THSD7A: variants seen among roughly 807,000 people sequenced by gnomAD.
THSD7A encodes the protein thrombospondin type 1 domain containing 7A, also known as thrombospondin type-1 domain-containing protein 7A.
THSD7A carries 96 observed loss-of-function variants against 231.3 expected under a neutral mutation model. The observed-to-expected ratio is 0.41, with a 90% CI of 0.35 to 0.49. The LOEUF is 0.49. THSD7A is among the 20% of genes least tolerant of loss of function. The probability of loss-of-function intolerance (pLI) is 0.05; values close to 1 mark genes in which losing one functional copy is unlikely to be tolerated. For missense variants in THSD7A, 2,290 were observed against 2,070.2 expected (o/e 1.11, Z -2.06); for synonymous variants, 940 against 743.3 (o/e 1.26, Z -4.30).
intron 4 of THSD7A, among the ~76,000 whole-genome samples, chr7:11,558,335 T>C (rs2128328539): frequency 6.6e-6 from 1 of 152,288 alleles, no homozygotes; most frequent in African/African-American, 2.4e-5. Flanking sequence ...AAAGTCTGTG[T>C]CTTATTTTAA....
At chr7:11,784,893 G>T (rs547044625) in intron 1 of THSD7A, among the ~76,000 whole-genome samples, 1 of 152,148 alleles carries the variant, frequency 6.6e-6, no homozygotes, top group Non-Finnish European at 1.5e-5. Context: ...GTACCCTAAG[G>T]GATCTACCAG....
chr7:11,568,131 G>T (rs1005978534), intron 4 of THSD7A, among the ~76,000 whole-genome samples: 1 of 151,752 alleles, frequency 6.6e-6, no homozygotes, highest in Non-Finnish European at 1.5e-5. Context: ...ATTACTTTTC[G>T]TTAAAACTTT....
At chr7:11,617,569 C>A (rs1287430522) in intron 2 of THSD7A, among the ~76,000 whole-genome samples, 2 of 152,138 alleles carry the variant, frequency 1.3e-5, no homozygotes, top group Non-Finnish European at 2.9e-5. Context: ...AAATATATTT[C>A]TAATATTTTA....
In THSD7A at chr7:11,419,485, C is replaced by G. The variant is rs555168702; in HGVS notation, c.3384-1882G>C. Among the ~76,000 whole-genome samples the G allele has an allele frequency of 3.3e-5, 5 of 152,286 alleles. No individual in the cohort carries two copies. In the South Asian group the frequency reaches 1.0e-3, roughly 32 times the overall value. The stretch of plus-strand genomic sequence containing the variant: ...CCTCATGCCTCCCCAGAAAGAGAAG[C>G]CTATACAATCCACAGAACCATGAGC... On this transcript the variant is annotated intron_variant, in intron 16 of 27. Coordinates refer to ENST00000423059, the MANE Select transcript of THSD7A (RefSeq NM_015204.3).
chr7:11,801,605 G>T (rs889049268), intron 1 of THSD7A, among the ~76,000 whole-genome samples: 12 of 151,946 alleles, frequency 7.9e-5, no homozygotes, highest in African/African-American at 2.9e-4. Context: ...TTTTAAATTA[G>T]CATATAAAAT....
chr7:11,399,057 A>T (rs1783300487), intron 23 of THSD7A, among the ~76,000 whole-genome samples: 1 of 152,188 alleles, frequency 6.6e-6, no homozygotes. Flanking sequence ...CAGGCCTTCC[A>T]AAAGGGTTTT....
intron 1 of THSD7A, among the ~76,000 whole-genome samples, chr7:11,748,303 G>C (rs1444371362): frequency 2.6e-5 from 4 of 151,926 alleles, no homozygotes; most frequent in African/African-American, 9.7e-5. Context: ...TTGGGTAACA[G>C]GAGAGTGAGA....
At chr7:11,519,779 T>C (rs956404623) in intron 6 of THSD7A, among the ~76,000 whole-genome samples, 6 of 152,050 alleles carry the variant, frequency 3.9e-5, no homozygotes, top group African/African-American at 1.5e-4. Flanking sequence ...GTTGATAATA[T>C]TGTACTTTTC....
Position 11,411,146 on chromosome 7 carries a change from C to T in THSD7A, c.3798+61G>A. 7.5e-7 allele frequency: 1 copy of T among 1,327,984 alleles called. No homozygotes were observed. Among genetic ancestry groups the T allele is most frequent in the Non-Finnish European group, 1.1e-6 (1 of 934,978 alleles). 82.3% of individuals were successfully genotyped at this position (1,327,984 alleles called of 1,614,324 possible). On this transcript the variant is annotated intron_variant, in intron 19 of 27. Coordinates refer to ENST00000423059, the MANE Select transcript of THSD7A (RefSeq NM_015204.3). This position sits in a 1 kb window ranked among gnomAD's most constrained non-coding sequence, Gnocchi z 4.1. ...ATGGAGCACGGGTCACTTGGCTCAG[C>T]ATGAATTGAAATTATTAGGGAAGAA...
Position 11,636,642 on chromosome 7 carries a change from C to A in THSD7A, c.510G>T (p.Glu170Asp), listed in dbSNP as rs1781868879. 6.2e-7 allele frequency: 1 copy of A among 1,613,982 alleles called. No homozygotes were observed. The highest frequency in any genetic ancestry group is 1.1e-5 in the South Asian group (1 of 91,080). Residue 170 changes from glutamate (E) to aspartate (D), a missense_variant, in exon 2 of 28, where the codon GAG becomes GAT. By Grantham distance (45) the Glu-to-Asp change is conservative (BLOSUM62 2). Transcript: ENST00000423059. The surrounding 1 kb of genome is among the most constrained non-coding windows in gnomAD (Gnocchi z 10.0). ...CIQKDKDIPA[E>D]DIICEYFEPK... ...GCTCAAAGTACTCACAGATGATATC[C>A]TCCGCAGGAATGTCTTTGTCTTTCT...
At chr7:11,776,242 C>A (rs1298322326) in intron 1 of THSD7A, among the ~76,000 whole-genome samples, 1 of 152,160 alleles carries the variant, frequency 6.6e-6, no homozygotes, top group East Asian at 1.9e-4. Context: ...TTCATTTTCT[C>A]CTGCAGGGCG....
At chr7:11,544,245 G>A (rs1789278288) in intron 4 of THSD7A, among the ~76,000 whole-genome samples, 1 of 152,048 alleles carries the variant, frequency 6.6e-6, no homozygotes, top group Non-Finnish European at 1.5e-5. Flanking sequence ...GGGAGGCTGA[G>A]GCAAGAGAAT....
intron 1 of THSD7A, among the ~76,000 whole-genome samples, chr7:11,808,808 G>A (rs1048485063): frequency 6.6e-6 from 1 of 151,832 alleles, no homozygotes; most frequent in Admixed American, 6.6e-5. Flanking sequence ...TGCACCATAA[G>A]GAATAACTCA....
chr7:11,649,490 G>A (rs1347680853), intron 1 of THSD7A, among the ~76,000 whole-genome samples: 3 of 151,962 alleles, frequency 2.0e-5, no homozygotes, highest in African/African-American at 7.2e-5. Flanking sequence ...TAGGTATGTT[G>A]CCATACCCAA....
In THSD7A at chr7:11,570,910, G is replaced by C. The variant is rs968334378; in HGVS notation, c.1453+19550C>G. On this transcript the variant is annotated intron_variant, in intron 4 of 27. Transcript: ENST00000423059. ...TAGAGGTAGATCCAAAACAAGGTAT[G>C]TGGTATCATATGTATTCCATTTAAT... Among the ~76,000 whole-genome samples the C allele has an allele frequency of 3.9e-5, 6 of 152,342 alleles. 2 individuals are homozygous for C. The highest frequency in any genetic ancestry group is 6.5e-5 in the Admixed American group (1 of 15,306).
chr7:11,635,884 A>T (rs1436534128), intron 2 of THSD7A, among the ~76,000 whole-genome samples: 2 of 152,038 alleles, frequency 1.3e-5, no homozygotes, highest in African/African-American at 2.4e-5. Flanking sequence ...TTTCATGAAG[A>T]ATTGCTCATG....
rs760401374 is a variant in THSD7A at position 11,411,435 on chromosome 7, TAATC to T, written c.3683-117_3683-114del. 14 of 693,338 alleles carry T rather than the reference TAATC, an allele frequency of 2.0e-5. No individual in the cohort carries two copies. The highest frequency in any genetic ancestry group is 3.2e-5 in the Non-Finnish European group (13 of 407,696). The allele number at this position is 693,338 out of a possible 1,614,324, so 42.9% of individuals were successfully genotyped here. A position where few individuals can be genotyped will look rare whatever the true frequency, so the allele number is the denominator to read the frequency against. ...ATTCACAACTGCTTCCTAAGCCCCA[TAATC>T]AATCATCCCCCATGCAGAGCATATG... On this transcript the variant is annotated intron_variant, in intron 18 of 27. Coordinates refer to ENST00000423059, the MANE Select transcript of THSD7A (RefSeq NM_015204.3). The surrounding 1 kb of genome is among the most constrained non-coding windows in gnomAD (Gnocchi z 4.1).
chr7:11,674,223 G>C (rs1020330339), intron 1 of THSD7A, among the ~76,000 whole-genome samples: 1 of 152,036 alleles, frequency 6.6e-6, no homozygotes, highest in African/African-American at 2.4e-5. Flanking sequence ...CCAAAGCCTG[G>C]AAATGGATTT....
At position 11,461,156 on chromosome 7, in the gene THSD7A, C is replaced by A. The variant is rs188142193; in HGVS notation, c.2502-391G>T. ...AGTCATGAGTCTTTTGTATAGTGCT[C>A]TTTTGGTTAGCATTGTAGGAGTATC... On this transcript the variant is annotated intron_variant, in intron 10 of 27. Coordinates refer to ENST00000423059, the MANE Select transcript of THSD7A (RefSeq NM_015204.3). Among the ~76,000 whole-genome samples the A allele has an allele frequency of 3.3e-5, 5 of 152,200 alleles. No homozygotes were observed. The East Asian group carries it at 7.7e-4, about 24-fold the overall frequency.
Sources: gnomAD v4.1 joint callset for allele counts (sites outside exome capture counted in the v4.1 genomes callset) on GRCh38, gnomAD v4.1.1 for gene constraint, Gnocchi (gnomAD v3.1) non-coding constraint, MANE v1.5 for transcripts, NCBI Gene and HGNC (gene_info 2026-07-23, HGNC 2026-07-21) for gene names.